AIM2: variants seen among roughly 807,000 people sequenced by gnomAD.
AIM2 encodes interferon-inducible protein AIM2.
In AIM2, 30 loss-of-function variants were observed where a neutral mutation model predicts 27.7. The ratio of observed to expected loss-of-function variants is 1.08; its 90% CI spans 0.81 to 1.47. The LOEUF (loss-of-function observed/expected upper bound fraction) is 1.47. AIM2 is among the 40% of genes most tolerant of loss of function. The probability of loss-of-function intolerance (pLI) is 0.00; values close to 1 mark genes in which losing one functional copy is unlikely to be tolerated. For missense variants in AIM2, 358 were observed against 411.3 expected (o/e 0.87, Z 1.12); for synonymous variants, 141 against 145.3 (o/e 0.97, Z 0.21).
At chr1:159,107,356 A>G (rs1657472803) in intron 1 of AIM2, among the ~76,000 whole-genome samples, 1 of 151,554 alleles carries the variant, frequency 6.6e-6, no homozygotes, top group Non-Finnish European at 1.5e-5. Context: ...ATGTTACTGA[A>G]ATAAGAATTA....
intron 1 of AIM2, among the ~76,000 whole-genome samples, chr1:159,111,214 C>T (rs1455963341): frequency 6.6e-6 from 1 of 152,134 alleles, no homozygotes; most frequent in Non-Finnish European, 1.5e-5. Flanking sequence ...GTTATTCTAA[C>T]AGCAAAGTGA....
intron 1 of AIM2, among the ~76,000 whole-genome samples, chr1:159,138,832 C>A (rs1312689429): frequency 6.6e-6 from 1 of 152,188 alleles, no homozygotes; most frequent in Non-Finnish European, 1.5e-5. Context: ...TAACACATAT[C>A]CTGCCCGCAT....
At chr1:159,082,726 C>T (rs1297283971) in intron 1 of AIM2, among the ~76,000 whole-genome samples, 1 of 152,126 alleles carries the variant, frequency 6.6e-6, no homozygotes, top group South Asian at 2.1e-4. Context: ...TCCCCAAAGC[C>T]CCACCTCCTA....
chr1:159,113,338 C>T (rs1220232745), intron 1 of AIM2, among the ~76,000 whole-genome samples: 1 of 152,162 alleles, frequency 6.6e-6, no homozygotes, highest in Non-Finnish European at 1.5e-5. Flanking sequence ...TCTCCTTCAG[C>T]CAGAAATCAA....
rs140495048 is a variant in AIM2 at position 159,134,629 on chromosome 1, C to T, written c.-16+5802G>A. Among the ~76,000 whole-genome samples, 994 of 152,258 alleles carry T rather than the reference C, an allele frequency of 6.5e-3. 6 individuals carry two copies. The highest frequency in any genetic ancestry group is 0.022 in the African/African-American group (930 of 41,544). On this transcript the variant is annotated intron_variant, in intron 1 of 2. Transcript: ENST00000368129. Reference sequence around the variant, plus strand: ...GGTGGATTACCTGAGGTCAGGAGTTCAAGACCAGCCTGGACAACAGGGTGA... The same window carrying T: ...GGTGGATTACCTGAGGTCAGGAGTTTAAGACCAGCCTGGACAACAGGGTGA...
rs143697978 is a variant in AIM2, at chr1:159,139,282, C to T, written c.-16+1149G>A. On this transcript the variant is annotated intron_variant, in intron 1 of 2. Coordinates refer to the AIM2 transcript ENST00000368129. ...TGCCAGCTAGAAAACTCCAATCAGA[C>T]CTCTTAGGGTAGCACAGGGTGGCAT... Among the ~76,000 whole-genome samples the T allele has an allele frequency of 8.7e-3, 1,324 of 152,310 alleles. 26 individuals are homozygous for T. The highest frequency in any genetic ancestry group is 0.03 in the African/African-American group (1,242 of 41,570).
chr1:159,135,179 T>G (rs1378714570), intron 1 of AIM2, among the ~76,000 whole-genome samples: 3 of 152,240 alleles, frequency 2.0e-5, no homozygotes, highest in Non-Finnish European at 2.9e-5. Flanking sequence ...ATTTGTTGAG[T>G]GAGTAAATGA....
chr1:159,109,155 C>T (rs1397541731), intron 1 of AIM2, among the ~76,000 whole-genome samples: 1 of 151,940 alleles, frequency 6.6e-6, no homozygotes, highest in Admixed American at 6.5e-5. Flanking sequence ...ACTATAAGGC[C>T]ATAGTCACCA....
At position 159,114,564 on chromosome 1, in the gene AIM2, G is replaced by A. The variant is rs142782354; in HGVS notation, c.-16+25867C>T. ...AAACCCTGCCTCTACAAAAAAATTA[G>A]ACAGGCATGATGGCGCATGCTTGTA... On this transcript the variant is annotated intron_variant, in intron 1 of 2. Coordinates refer to the AIM2 transcript ENST00000368129. Among the ~76,000 whole-genome samples, 487 of 152,282 alleles carry A rather than the reference G, an allele frequency of 3.2e-3. 1 individual carries two copies. Among genetic ancestry groups the A allele is most frequent in the Non-Finnish European group, 5.3e-3 (361 of 68,008 alleles).
At chr1:159,065,467 T>C (rs1010559865) in intron 4 of AIM2, among the ~76,000 whole-genome samples, 2 of 152,218 alleles carry the variant, frequency 1.3e-5, no homozygotes, top group Admixed American at 6.5e-5. Flanking sequence ...GTTTTCTTCA[T>C]TTAATCACAG....
downstream of AIM2, among the ~76,000 whole-genome samples, chr1:159,062,098 C>T (rs1010452324): frequency 2.0e-5 from 3 of 151,922 alleles, no homozygotes; most frequent in African/African-American, 7.3e-5. Flanking sequence ...CTGTGTTGTA[C>T]TTTTGTAGAA....
intron 1 of AIM2, among the ~76,000 whole-genome samples, chr1:159,088,038 T>C (rs1195361553): frequency 6.6e-6 from 1 of 152,184 alleles, no homozygotes; most frequent in African/African-American, 2.4e-5. Flanking sequence ...GAAGGGAAAT[T>C]ACAAAATAGT....
At chr1:159,130,800 CCACACACACACACACA>C (rs10557540) in intron 1 of AIM2, among the ~76,000 whole-genome samples, 10 of 145,156 alleles carry the variant, frequency 6.9e-5, no homozygotes, top group African/African-American at 1.0e-4. Context: ...AGCCTGGTCA[CCACACACACACACACA>C]CACACACACA....
At chr1:159,085,018 G>C (rs1452199662) in intron 1 of AIM2, among the ~76,000 whole-genome samples, 1 of 152,088 alleles carries the variant, frequency 6.6e-6, no homozygotes, top group Non-Finnish European at 1.5e-5. Flanking sequence ...ATAATGCCAA[G>C]ACCTGACTAC....
chr1:159,141,118 A>G (rs1411124160), upstream of AIM2, among the ~76,000 whole-genome samples: 13 of 152,166 alleles, frequency 8.5e-5, no homozygotes, highest in South Asian at 2.5e-3. Flanking sequence ...GCTGACAGAC[A>G]GTGCAAGAAA....
At chr1:159,132,100 C>T (rs2102050871) in intron 1 of AIM2, 1 of 151,108 alleles carries the variant, frequency 6.6e-6, no homozygotes, top group East Asian at 2.0e-4. Flanking sequence ...GTAATCCCAG[C>T]ACTTTGGGAG....
downstream of AIM2, among the ~76,000 whole-genome samples, chr1:159,060,471 T>C (rs1296566028): frequency 6.6e-6 from 1 of 152,230 alleles, no homozygotes; most frequent in African/African-American, 2.4e-5. Context: ...TTTTTACAAA[T>C]GCATGTAGTC....
At chr1:159,131,119 T>C (rs890538329) in intron 1 of AIM2, among the ~76,000 whole-genome samples, 3 of 152,124 alleles carry the variant, frequency 2.0e-5, no homozygotes, top group Non-Finnish European at 4.4e-5. Flanking sequence ...GATGACCTAA[T>C]CAATGTCTGT....
chr1:159,136,200 G>T (rs766025718), intron 1 of AIM2, among the ~76,000 whole-genome samples: 1 of 152,126 alleles, frequency 6.6e-6, no homozygotes, highest in Non-Finnish European at 1.5e-5. Context: ...GAAGAAGATG[G>T]TTAGAAACAT....
Sources: gnomAD v4.1 joint callset for allele counts (sites outside exome capture counted in the v4.1 genomes callset) on GRCh38, gnomAD v4.1.1 for gene constraint, MANE v1.5 for transcripts, NCBI Gene and HGNC (gene_info 2026-07-23, HGNC 2026-07-21) for gene names.